The following KIN variants were observed in gnomAD, a reference collection of about 807,000 sequenced individuals.
The protein encoded by KIN is Kin17 DNA and RNA binding protein.
A neutral mutation model predicts 63.0 loss-of-function variants in KIN; 47 were observed. The ratio of observed to expected loss-of-function variants is 0.75; its 90% CI spans 0.59 to 0.95. The LOEUF (loss-of-function observed/expected upper bound fraction) is 0.95. Ranked by LOEUF, KIN falls within the 40% of genes least tolerant of loss-of-function variation. KIN has a pLI of 0.00. For synonymous variants in KIN, 160 were observed against 157.7 expected, an observed-to-expected ratio of 1.01 and a Z score of -0.11; for missense variants, 408 against 460.9, an observed-to-expected ratio of 0.89 and a Z score of 1.05.
chr10:7,778,670 C>T (rs1175985966), intron 5 of KIN, among the ~76,000 whole-genome samples, 168 bp downstream of exon 5: 2 of 152,106 alleles, frequency 1.3e-5, no homozygotes, highest in African/African-American at 2.4e-5. Flanking sequence ...ACCTGGGTGG[C>T]AGAGGTTGCA....
intron 1 of KIN, 102 bp from the exon 2 acceptor site, chr10:7,783,277 A>ATTTT: frequency 2.0e-6 from 1 of 509,700 alleles, no homozygotes; most frequent in Non-Finnish European, 3.3e-6. Flanking sequence ...CTTTGATGAT[A>ATTTT]AATTAAAATA....
At position 7,763,773 on chromosome 10, in the gene KIN, T is replaced by G; in HGVS notation, c.868A>C (p.Ile290Leu). The change falls in exon 10 of 13, where the codon ATA (isoleucine) becomes CTA (leucine). Residue 290 changes from isoleucine to leucine, a missense_variant. By Grantham distance (5) the Ile-to-Leu change is conservative (BLOSUM62 2). Coordinates refer to ENST00000379562, the MANE Select transcript of KIN (RefSeq NM_012311.4). The stretch of plus-strand genomic sequence containing the variant: ...TATTTCTCTCCCAGTTTCTTGGTTA[T>G]AATTTTCACAATAATTTCCTAGAAA... ...WLQPEIIVKIITKKLGEKYHK... is the reference protein window; with the variant it reads ...WLQPEIIVKILTKKLGEKYHK... The G allele has an allele frequency of 7.1e-7, 1 of 1,400,698 alleles. No homozygotes were observed. Among genetic ancestry groups the G allele is most frequent in the African/African-American group, 1.4e-5 (1 of 69,530 alleles). The allele number at this position is 1,400,698 out of a possible 1,614,324, so 86.8% of individuals were successfully genotyped here.
In KIN at chr10:7,754,054, G is replaced by A. The variant is rs747127989; in HGVS notation, c.*2026C>T. 2.9e-5 allele frequency: 13 copies of A among 455,908 alleles called. No homozygotes were observed. The highest frequency in any genetic ancestry group is 4.4e-5 in the Non-Finnish European group (10 of 226,806). The allele number at this position is 455,908 out of a possible 1,614,324, so 28.2% of individuals were successfully genotyped here. On this transcript the variant is annotated 3_prime_UTR_variant, in exon 13 of 13. Transcript: ENST00000379562. ...CTTGTAGAAGATCAACTCAGGCAAG[G>A]CGTGGTAGCTCACACCTGTAATCAC...
rs539565748 is a variant in KIN at position 7,765,881 on chromosome 10, T to C, written c.849+172A>G. 1.9e-4 allele frequency among the ~76,000 whole-genome samples: 29 copies of C among 152,310 alleles called. No homozygotes were observed. In the Middle Eastern group the frequency reaches 0.01, roughly 54 times the overall value. On this transcript the variant is annotated intron_variant, in intron 9 of 12. Transcript: ENST00000379562. ...GCATGAAGTAACTCTCCAATAGAGG[T>C]GCAACCAATAATTAATGATCTAATA...
intron 4 of KIN, 50 bp from the exon 5 acceptor site, chr10:7,779,069 A>G (rs1195110869): frequency 3.2e-6 from 5 of 1,566,306 alleles, no homozygotes; most frequent in Non-Finnish European, 4.3e-6. Flanking sequence ...AAAGCAAAAC[A>G]TAAATATGAA....
chr10:7,757,221 C>A (rs185144865), intron 12 of KIN, among the ~76,000 whole-genome samples: 1 of 152,042 alleles, frequency 6.6e-6, no homozygotes, highest in Non-Finnish European at 1.5e-5. Flanking sequence ...AGAGTTGGGT[C>A]GGGCGCAGTG....
At chr10:7,778,106 T>C (rs1218452724) in intron 5 of KIN, among the ~76,000 whole-genome samples, 1 of 152,090 alleles carries the variant, frequency 6.6e-6, no homozygotes, top group African/African-American at 2.4e-5. Flanking sequence ...TCTTCAAGAC[T>C]CCTGGGCACT....
chr10:7,770,075 C>A (rs1263582596), intron 7 of KIN, among the ~76,000 whole-genome samples: 1 of 152,176 alleles, frequency 6.6e-6, no homozygotes, highest in Non-Finnish European at 1.5e-5. Flanking sequence ...GGATTACAGG[C>A]AGCCACCACC....
At chr10:7,781,506 A>G (rs2131030772) in intron 2 of KIN, among the ~76,000 whole-genome samples, 1 of 151,960 alleles carries the variant, frequency 6.6e-6, no homozygotes, top group African/African-American at 2.4e-5. Context: ...TAATCCCAGG[A>G]CTTTGGGAGA....
chr10:7,783,352 T>G lies in KIN; in HGVS notation c.115-177A>C, dbSNP rs12570693. 0.023 allele frequency among the ~76,000 whole-genome samples: 3,537 copies of G among 152,326 alleles called. 201 individuals are homozygous for G. The East Asian group carries it at 0.24, about 10-fold the overall frequency. Reference sequence around the variant, plus strand: ...AAAAAAAATTTTTATAGAGTTGAGCTTTCAACTCTGCTAATCAAAGAATAA... The same window carrying G: ...AAAAAAAATTTTTATAGAGTTGAGCGTTCAACTCTGCTAATCAAAGAATAA... On this transcript the variant is annotated intron_variant, in intron 1 of 12. Transcript: ENST00000379562.
chr10:7,756,125 G>T lies in KIN; in HGVS notation c.1137C>A (p.Arg379=). ...IVIETGPLKG[R]RVEGIQYEDI... is the part of the protein sequence containing the mutation. ...CTTCATATTGAATTCCTTCAACTCT[G>T]CGTCCTTTTAAAGGGCCCTACAAAT... is the stretch of plus-strand genomic sequence containing the variant. The change falls in exon 13 of 13, where the codon CGC becomes CGA. Residue 379 remains arginine (R), a synonymous_variant. Coordinates refer to ENST00000379562, the MANE Select transcript of KIN (RefSeq NM_012311.4). The T allele has an allele frequency of 6.3e-7, 1 of 1,585,954 alleles. No individual in the cohort carries two copies. Among genetic ancestry groups the T allele is most frequent in the Non-Finnish European group, 8.6e-7 (1 of 1,165,414 alleles).
chr10:7,760,562 G>C (rs1003568224), intron 11 of KIN, among the ~76,000 whole-genome samples: 4 of 152,116 alleles, frequency 2.6e-5, no homozygotes, highest in Admixed American at 2.6e-4. Flanking sequence ...CCTTATCCCA[G>C]GTTTTGGTTA....
rs970526491 is a variant in KIN, at chr10:7,752,598, C to T, written c.*3482G>A. On this transcript the variant is annotated 3_prime_UTR_variant, in exon 13 of 13. Coordinates refer to ENST00000379562, the MANE Select transcript of KIN (RefSeq NM_012311.4). ...TAAATAAGTTGAAAACGTCTATCCACAAAAAACCTGCGCACAGATGTTTGT... is the reference window on the plus strand; with the variant it reads ...TAAATAAGTTGAAAACGTCTATCCATAAAAAACCTGCGCACAGATGTTTGT... 1.3e-5 allele frequency: 2 copies of T among 152,186 alleles called. No homozygotes were observed. Among genetic ancestry groups the T allele is most frequent in the South Asian group, 2.1e-4 (1 of 4,828 alleles). 9.4% of individuals were successfully genotyped at this position (152,186 alleles called of 1,614,324 possible).
At chr10:7,758,675 C>CAAAA (rs34194283) in intron 12 of KIN, among the ~76,000 whole-genome samples, 1 of 126,370 alleles carries the variant, frequency 7.9e-6, no homozygotes, top group Non-Finnish European at 1.7e-5. Flanking sequence ...ATGGTCCATG[C>CAAAA]AAAAAAAAAA....
intron 5 of KIN, among the ~76,000 whole-genome samples, 200 bp from the exon 6 acceptor site, chr10:7,775,999 C>T (rs189127071): frequency 4.0e-5 from 6 of 151,880 alleles, no homozygotes; most frequent in Non-Finnish European, 7.4e-5. Context: ...GAGGCCGAGG[C>T]GGGCAGATCA....
intron 8 of KIN, among the ~76,000 whole-genome samples, chr10:7,767,628 C>T (rs1358791090): frequency 2.0e-5 from 3 of 151,986 alleles, no homozygotes; most frequent in East Asian, 3.9e-4. Context: ...GAGGCCGAAG[C>T]GGGTGGATCA....
At chr10:7,771,272 T>C (rs1174128397) in intron 7 of KIN, among the ~76,000 whole-genome samples, 1 of 152,174 alleles carries the variant, frequency 6.6e-6, no homozygotes, top group African/African-American at 2.4e-5. Context: ...CTAATAACCC[T>C]AGCAAAAGAG....
At chr10:7,781,079 G>A (rs942288809) in intron 2 of KIN, among the ~76,000 whole-genome samples, 1 of 152,164 alleles carries the variant, frequency 6.6e-6, no homozygotes, top group African/African-American at 2.4e-5. Flanking sequence ...CCTTCAAGGA[G>A]GTTACAATCT....
In KIN at chr10:7,774,833, T is replaced by C. The variant is rs750457776; in HGVS notation, c.666A>G (p.Ser222=). 11 of 1,611,666 alleles carry C rather than the reference T, an allele frequency of 6.8e-6. No individual in the cohort carries two copies. In the South Asian group the frequency reaches 1.1e-4, roughly 16 times the overall value. ...CSSSGATSSK[S]STLGPSALKT... is the part of the protein sequence containing the mutation. Reference sequence around the variant, plus strand: ...TATCCGTGAATGATGCAGCTCACCTTGACTTGGAAGATGTTGCTCCGGATG... The same window carrying C: ...TATCCGTGAATGATGCAGCTCACCTCGACTTGGAAGATGTTGCTCCGGATG... Residue 222 remains serine, a splice_region_variant and synonymous_variant, in exon 7 of 13, where the codon TCA becomes TCG. Transcript: ENST00000379562.
Sources: gnomAD v4.1 joint callset for allele counts (sites outside exome capture counted in the v4.1 genomes callset) on GRCh38, gnomAD v4.1.1 for gene constraint, MANE v1.5 for transcripts, NCBI Gene and HGNC (gene_info 2026-07-23, HGNC 2026-07-21) for gene names.